The following KCNMA1 variants were observed in gnomAD, a reference collection of about 807,000 sequenced individuals.
KCNMA1 encodes potassium calcium-activated channel subfamily M alpha 1.
In KCNMA1, 29 loss-of-function variants were observed where a neutral mutation model predicts 140.0. The observed-to-expected ratio is 0.21, with a 90% CI of 0.15 to 0.28. The LOEUF (loss-of-function observed/expected upper bound fraction) is 0.28. KCNMA1 is among the 10% of genes least tolerant of loss of function. KCNMA1 has a pLI of 1.00. For synonymous variants in KCNMA1, 612 were observed against 611.9 expected, an observed-to-expected ratio of 1.00 and a Z score of 0.00; for missense variants, 880 against 1,602.2, an observed-to-expected ratio of 0.55 and a Z score of 7.70.
At chr10:77,550,761 A>G (rs1017138401) in intron 1 of KCNMA1, among the ~76,000 whole-genome samples, 2 of 152,224 alleles carry the variant, frequency 1.3e-5, no homozygotes, top group Non-Finnish European at 2.9e-5. Flanking sequence ...TGTTAGGTCC[A>G]TGAAGGCAGA....
chr10:77,468,109 G>C (rs1488179711), intron 1 of KCNMA1, among the ~76,000 whole-genome samples: 1 of 152,228 alleles, frequency 6.6e-6, no homozygotes, highest in East Asian at 1.9e-4. Context: ...CCGGGTTCCA[G>C]TGATTCTTGT....
chr10:76,903,355 C>G (rs1358411956), intron 25 of KCNMA1: 3 of 152,246 alleles, frequency 2.0e-5, no homozygotes, highest in Non-Finnish European at 4.4e-5. Flanking sequence ...TATAATTGCT[C>G]TAAAATTGTC....
intron 2 of KCNMA1, among the ~76,000 whole-genome samples, chr10:77,323,111 G>C (rs1199901311): frequency 6.6e-6 from 1 of 152,154 alleles, no homozygotes; most frequent in African/African-American, 2.4e-5. Flanking sequence ...TTAAAAAAGG[G>C]AATGTGGCCT....
Position 76,886,932 on chromosome 10 carries a change from C to A in KCNMA1, c.*334G>T. On this transcript the variant is annotated 3_prime_UTR_variant, in exon 28 of 28. Transcript: ENST00000286628. Reference sequence around the variant, plus strand: ...TTCTTTTACATTAAATAAACTTGCTCTGCCTAACTGACGTTGATCACAAGT... The same window carrying A: ...TTCTTTTACATTAAATAAACTTGCTATGCCTAACTGACGTTGATCACAAGT... 8.6e-7 allele frequency: 1 copy of A among 1,169,446 alleles called. No homozygotes were observed. Among genetic ancestry groups the A allele is most frequent in the African/African-American group, 1.6e-5 (1 of 63,122 alleles). The allele number at this position is 1,169,446 out of a possible 1,614,324, so 72.4% of individuals were successfully genotyped here.
At chr10:77,600,249 CA>C (rs973341553) in intron 1 of KCNMA1, among the ~76,000 whole-genome samples, 1 of 152,188 alleles carries the variant, frequency 6.6e-6, no homozygotes, top group Non-Finnish European at 1.5e-5. Context: ...GGTATTTCTA[CA>C]AAAGATGAAG....
At chr10:76,999,666 G>A (rs1190921111) in intron 19 of KCNMA1, among the ~76,000 whole-genome samples, 1 of 152,150 alleles carries the variant, frequency 6.6e-6, no homozygotes, top group Non-Finnish European at 1.5e-5. Flanking sequence ...AAAGTGATAA[G>A]GATTCATATG....
At chr10:76,903,420 TTTTTA>T (rs2046417342) in intron 25 of KCNMA1, 1 of 152,190 alleles carries the variant, frequency 6.6e-6, no homozygotes, top group Admixed American at 6.5e-5. Flanking sequence ...ATGGTGTAGA[TTTTTA>T]TTTTTAGTAT....
intron 3 of KCNMA1, among the ~76,000 whole-genome samples, chr10:77,195,480 A>C (rs146448903): frequency 5.8e-4 from 89 of 152,318 alleles, no homozygotes; most frequent in Non-Finnish European, 1.0e-3. Flanking sequence ...ATGATTATAC[A>C]ATCATATCTT....
intron 5 of KCNMA1, among the ~76,000 whole-genome samples, chr10:77,134,663 C>A (rs1163532502): frequency 2.0e-5 from 3 of 152,028 alleles, no homozygotes; most frequent in African/African-American, 7.2e-5. Flanking sequence ...AAGAGGATTA[C>A]ATCAAACTAA....
intron 19 of KCNMA1, chr10:76,978,531 A>G (rs1206770904): frequency 6.6e-6 from 1 of 152,218 alleles, no homozygotes; most frequent in Non-Finnish European, 1.5e-5. Flanking sequence ...GTGAATGCTG[A>G]TCTTTCTGAG....
chr10:77,099,215 T>C (rs1309598807), intron 9 of KCNMA1, among the ~76,000 whole-genome samples: 1 of 151,930 alleles, frequency 6.6e-6, no homozygotes, highest in Non-Finnish European at 1.5e-5. Flanking sequence ...GGTTTTGATT[T>C]ACAAAGCGAG....
At chr10:76,873,772 T>C (rs1393069881), downstream of KCNMA1, 1 of 152,214 alleles carries the variant, frequency 6.6e-6, no homozygotes, top group African/African-American at 2.4e-5. Flanking sequence ...TCTTCCTTCC[T>C]TCCTTCAATG....
intron 19 of KCNMA1, chr10:76,980,678 T>G (rs1230642273): frequency 6.6e-6 from 1 of 152,176 alleles, no homozygotes; most frequent in African/African-American, 2.4e-5. Flanking sequence ...CAGGAGCTTA[T>G]CAGCTGCTCA....
At chr10:77,185,859 C>A (rs933649411) in intron 3 of KCNMA1, among the ~76,000 whole-genome samples, 2 of 152,016 alleles carry the variant, frequency 1.3e-5, no homozygotes, top group South Asian at 2.1e-4. Flanking sequence ...ACATAGTATT[C>A]TGTGATCAGT....
intron 1 of KCNMA1, among the ~76,000 whole-genome samples, chr10:77,410,625 C>G (rs1224682191): frequency 3.9e-5 from 6 of 152,230 alleles, no homozygotes; most frequent in African/African-American, 1.4e-4. Flanking sequence ...GGCTTCTTGG[C>G]CCATTCAGAG....
chr10:77,025,996 A>ATAT (rs1565619065), intron 16 of KCNMA1, among the ~76,000 whole-genome samples: 1 of 135,820 alleles, frequency 7.4e-6, no homozygotes. Context: ...GAAGAAAAAA[A>ATAT]AAATATATAT....
intron 1 of KCNMA1, among the ~76,000 whole-genome samples, chr10:77,465,949 G>T (rs1210769273): frequency 6.6e-6 from 1 of 152,214 alleles, no homozygotes; most frequent in East Asian, 1.9e-4. Context: ...GGAAAGAAGA[G>T]ATCCAAATCC....
chr10:77,231,321 T>C (rs1371097825), intron 3 of KCNMA1, among the ~76,000 whole-genome samples: 1 of 152,202 alleles, frequency 6.6e-6, no homozygotes, highest in East Asian at 1.9e-4. Context: ...AGGGGGTTCA[T>C]TCTTTCTTCC....
At chr10:77,507,044 G>A (rs2046399064) in intron 1 of KCNMA1, among the ~76,000 whole-genome samples, 1 of 152,200 alleles carries the variant, frequency 6.6e-6, no homozygotes. Flanking sequence ...CCAGACCCAT[G>A]TGTATGCTGT....
Sources: gnomAD v4.1 joint callset for allele counts (sites outside exome capture counted in the v4.1 genomes callset) on GRCh38, gnomAD v4.1.1 for gene constraint, MANE v1.5 for transcripts, NCBI Gene and HGNC (gene_info 2026-07-23, HGNC 2026-07-21) for gene names.